The following AXIN2 variants were observed in gnomAD, a reference collection of about 807,000 sequenced individuals.
AXIN2 encodes axin-2.
AXIN2 carries 21 observed loss-of-function variants against 74.7 expected under a neutral mutation model. That is an observed-to-expected ratio of 0.28 (90% CI 0.20 to 0.40). The LOEUF is 0.40. AXIN2 is among the 10% of genes least tolerant of loss of function. The pLI, the probability that AXIN2 is intolerant of heterozygous loss-of-function variation, is 1.00. For synonymous variants in AXIN2, 532 were observed against 454.9 expected, an observed-to-expected ratio of 1.17 and a Z score of -2.16; for missense variants, 1,144 against 1,111.1, an observed-to-expected ratio of 1.03 and a Z score of -0.42.
chr17:65,534,226 G>C, intron 9 of AXIN2, 147 bp from the exon 10 acceptor site: 4 of 982,692 alleles, frequency 4.1e-6, no homozygotes, highest in Non-Finnish European at 6.3e-6. Context: ...GGCTGGGGCA[G>C]AGCCCCACAT....
chr17:65,541,664 T>A, intron 3 of AXIN2, 107 bp from the exon 4 acceptor site: 1 of 924,400 alleles, frequency 1.1e-6, no homozygotes, highest in Non-Finnish European at 1.8e-6. Flanking sequence ...CAGGGCCACA[T>A]GCTTCCATAG....
chr17:65,536,755 G>C, intron 7 of AXIN2, 114 bp downstream of exon 7: 2 of 1,498,202 alleles, frequency 1.3e-6, no homozygotes, highest in East Asian at 4.5e-5. Flanking sequence ...TAAGATGGCA[G>C]GAGCAAATAG....
rs560113410 is a variant in AXIN2, at chr17:65,534,449, G to A, written c.2238-370C>T. Among the ~76,000 whole-genome samples the A allele has an allele frequency of 7.2e-5, 11 of 152,324 alleles. No homozygotes were observed. In the South Asian group the frequency reaches 1.5e-3, roughly 20 times the overall value. On this transcript the variant is annotated intron_variant, in intron 9 of 10. Transcript: ENST00000307078. ...GAAGAGAAATTATCACAGAGATGCCGGGTCTCACCTGGATTGGAGAGTGCT... is the reference window on the plus strand; with the variant it reads ...GAAGAGAAATTATCACAGAGATGCCAGGTCTCACCTGGATTGGAGAGTGCT...
At position 65,530,949 on chromosome 17, in the gene AXIN2, G is replaced by C. The variant is rs78226347; in HGVS notation, c.2406-847C>G. ...AGGAGTGCCACATTCGGAAACAACT[G>C]CTGTCCTCTTGGGCCAGGCCCACCC... On this transcript the variant is annotated intron_variant, in intron 10 of 10. Coordinates refer to ENST00000307078, the MANE Select transcript of AXIN2 (RefSeq NM_004655.4). Among the ~76,000 whole-genome samples, 1,375 of 152,276 alleles carry C rather than the reference G, an allele frequency of 9.0e-3. 19 individuals are homozygous for C. The highest frequency in any genetic ancestry group is 0.032 in the African/African-American group (1,327 of 41,564).
intron 3 of AXIN2, among the ~76,000 whole-genome samples, chr17:65,542,557 A>T (rs535022939): frequency 1.3e-5 from 2 of 152,368 alleles, no homozygotes; most frequent in East Asian, 1.9e-4. Context: ...AGACCTGAAG[A>T]AGTATGGGCC....
intron 2 of AXIN2, 79 bp downstream of exon 2, chr17:65,557,727 A>AC: frequency 1.4e-6 from 2 of 1,393,834 alleles, no homozygotes; most frequent in Non-Finnish European, 2.0e-6. Flanking sequence ...TCTGCAGCAC[A>AC]CCCATCCACC....
intron 4 of AXIN2, among the ~76,000 whole-genome samples, chr17:65,538,762 C>A (rs1275040972): frequency 7.6e-6 from 1 of 131,666 alleles, no homozygotes; most frequent in African/African-American, 2.9e-5. Context: ...AAAGTAGAAT[C>A]TAAACAGAAA....
intron 2 of AXIN2, among the ~76,000 whole-genome samples, chr17:65,553,809 A>AGT: frequency 1.1e-5 from 1 of 90,208 alleles, no homozygotes; most frequent in Non-Finnish European, 2.1e-5. Flanking sequence ...AAGAAAACGG[A>AGT]GTGGGGCTGT....
At chr17:65,538,060 G>GCACACACC in intron 5 of AXIN2, 143 bp downstream of exon 5, 1 of 1,468,124 alleles carries the variant, frequency 6.8e-7, no homozygotes, top group Non-Finnish European at 9.3e-7. Context: ...CCACGCCCAG[G>GCACACACC]CACACACCCA....
intron 3 of AXIN2, among the ~76,000 whole-genome samples, chr17:65,546,244 C>G (rs2044116885): frequency 6.6e-6 from 1 of 152,180 alleles, no homozygotes; most frequent in African/African-American, 2.4e-5. Context: ...CCCCTCTAAG[C>G]TTCCCGGGAT....
At chr17:65,539,420 T>C (rs1228492439) in intron 4 of AXIN2, among the ~76,000 whole-genome samples, 1 of 152,198 alleles carries the variant, frequency 6.6e-6, no homozygotes, top group African/African-American at 2.4e-5. Flanking sequence ...TTGCAGCCCC[T>C]GATCAAAGCG....
At chr17:65,550,913 C>T (rs2044182455) in intron 2 of AXIN2, among the ~76,000 whole-genome samples, 1 of 151,956 alleles carries the variant, frequency 6.6e-6, no homozygotes. Flanking sequence ...CACAGGCTCA[C>T]GAGGAGGGGA....
At chr17:65,551,025 T>C (rs2044184562) in intron 2 of AXIN2, among the ~76,000 whole-genome samples, 1 of 152,204 alleles carries the variant, frequency 6.6e-6, no homozygotes, top group Non-Finnish European at 1.5e-5. Flanking sequence ...GGGCATGGAT[T>C]GAGTCACGTG....
chr17:65,537,305 C>A lies in AXIN2; in HGVS notation c.1712+19G>T, dbSNP rs7219582. ...GAGACAAGCCCCACACGGGACACTG[C>A]GGTCCGCCCGGCACTTACCCAAACT... On this transcript the variant is annotated intron_variant, in intron 6 of 10. Transcript: ENST00000307078. 0.11 allele frequency: 183,230 copies of A among 1,613,254 alleles called. 11,689 individuals carry two copies. The highest frequency in any genetic ancestry group is 0.25 in the African/African-American group (18,674 of 74,946).
Position 65,528,620 on chromosome 17 carries a change from T to C in AXIN2, c.*1356A>G. ...CATCTCTTAATTACAATAATTATTG[T>C]ACCAAGTAATTTTCCTTAAATGAAC... On this transcript the variant is annotated 3_prime_UTR_variant, in exon 11 of 11. Transcript: ENST00000307078. 2.0e-6 allele frequency: 1 copy of C among 499,438 alleles called. No individual in the cohort carries two copies. Among genetic ancestry groups the C allele is most frequent in the Non-Finnish European group, 3.8e-6 (1 of 263,902 alleles). 30.9% of individuals were successfully genotyped at this position (499,438 alleles called of 1,614,324 possible). A position where few individuals can be genotyped will look rare whatever the true frequency, so the allele number is the denominator to read the frequency against.
intron 2 of AXIN2, among the ~76,000 whole-genome samples, chr17:65,551,690 T>G: frequency 6.6e-6 from 1 of 151,698 alleles, no homozygotes; most frequent in African/African-American, 2.4e-5. Context: ...CTTGTTGGAG[T>G]CACCAAACAC....
In AXIN2 at chr17:65,538,667, CAAAAAAAAAAAAAAAAAAAAAAA is replaced by C. The variant is rs775428814; in HGVS notation, c.1060-347_1060-325del. On this transcript the variant is annotated intron_variant, in intron 4 of 10. Transcript: ENST00000307078. The stretch of plus-strand genomic sequence containing the variant: ...ATCTTCAAAGACTGTTGTCAACCAT[CAAAAAAAAAAAAAAAAAAAAAAA>C]AAAAAAAAAAAAAAAGGCAGCCCTC... Among the ~76,000 whole-genome samples, 65 of 35,828 alleles carry C rather than the reference CAAAAAAAAAAAAAAAAAAAAAAA, an allele frequency of 1.8e-3. 4 individuals are homozygous for C. The South Asian group carries it at 0.065, about 36-fold the overall frequency. 23.5% of individuals were successfully genotyped at this position (35,828 alleles called of 152,430 possible).
At position 65,558,705 on chromosome 17, in the gene AXIN2, C is replaced by A; in HGVS notation, c.-85G>T. 1 of 1,397,902 alleles carries A rather than the reference C, an allele frequency of 7.2e-7. No homozygotes were observed. The highest frequency in any genetic ancestry group is 1.2e-5 in the South Asian group (1 of 81,330). 86.6% of individuals were successfully genotyped at this position (1,397,902 alleles called of 1,614,324 possible). On this transcript the variant is annotated 5_prime_UTR_variant, in exon 2 of 11. Coordinates refer to ENST00000307078, the MANE Select transcript of AXIN2 (RefSeq NM_004655.4). Reference sequence around the variant, plus strand: ...ATCGGCGTGGTCTCTCTGTCTCTCTCAAGTCAGCAGGGGCTCATCTGAACC... The same window carrying A: ...ATCGGCGTGGTCTCTCTGTCTCTCTAAAGTCAGCAGGGGCTCATCTGAACC...
chr17:65,540,310 G>A (rs930093728), intron 4 of AXIN2, among the ~76,000 whole-genome samples: 19 of 152,170 alleles, frequency 1.2e-4, no homozygotes, highest in Admixed American at 9.8e-4. Context: ...CACCTATTAT[G>A]TGTCAGGTAC....
Sources: gnomAD v4.1 joint callset for allele counts (sites outside exome capture counted in the v4.1 genomes callset) on GRCh38, gnomAD v4.1.1 for gene constraint, MANE v1.5 for transcripts, NCBI Gene and HGNC (gene_info 2026-07-23, HGNC 2026-07-21) for gene names.